Variants in PLS3 observed in about 807,000 individuals in gnomAD.
The protein encoded by PLS3 is plastin 3.
In PLS3, 11 loss-of-function variants were observed where a neutral mutation model predicts 46.5. The observed-to-expected ratio is 0.24, with a 90% confidence interval of 0.15 to 0.39. The LOEUF is 0.39. PLS3 is among the 10% of genes least tolerant of loss of function. The pLI is 1.00. For synonymous variants in PLS3, 167 were observed against 162.2 expected (o/e 1.03, Z -0.22); for missense variants, 308 against 461.8 (o/e 0.67, Z 3.05).
In PLS3 at chrX:115,601,649, AAG is replaced by A. The variant is rs1344433459; in HGVS notation, c.-8-8592_-8-8591del. On this transcript the variant is annotated intron_variant, in intron 1 of 15. Transcript: ENST00000355899. ...AAGTATAATAAAAAAAATATATAAA[AAG>A]ATAAAAAAAAAACTTGTGGAGTAGG... is the stretch of plus-strand genomic sequence containing the variant. 4.0e-4 allele frequency among the ~76,000 whole-genome samples: 44 copies of A among 110,139 alleles called. No homozygotes were observed. In the Admixed American group the frequency reaches 4.3e-3, roughly 11 times the overall value.
At chrX:115,604,997 C>T (rs1556635101) in intron 1 of PLS3, among the ~76,000 whole-genome samples, 1 of 111,786 alleles carries the variant, frequency 8.9e-6, no homozygotes, top group Admixed American at 9.6e-5. Flanking sequence ...CTTCAAATGG[C>T]AAAATGTACA....
intron 1 of PLS3, among the ~76,000 whole-genome samples, chrX:115,576,237 G>A (rs2074248077): frequency 9.0e-6 from 1 of 111,427 alleles, no homozygotes; most frequent in South Asian, 3.8e-4. Flanking sequence ...GACCTTTTGG[G>A]GTGAATATGA....
chrX:115,574,281 G>A (rs2074234791), intron 1 of PLS3, among the ~76,000 whole-genome samples: 2 of 111,792 alleles, frequency 1.8e-5, no homozygotes, highest in Non-Finnish European at 3.8e-5. Flanking sequence ...AGTGAAACAT[G>A]GATGGCCATA....
intron 3 of PLS3, among the ~76,000 whole-genome samples, chrX:115,623,617 A>G (rs1301542600): frequency 2.7e-5 from 3 of 112,043 alleles, no homozygotes; most frequent in African/African-American, 9.7e-5. Context: ...TGTATTTATT[A>G]TTAATTTAAG....
rs2074261516 is a variant in PLS3, at chrX:115,578,529, TC to T, written c.-9+17271del. 2.8e-5 allele frequency among the ~76,000 whole-genome samples: 3 copies of T among 108,961 alleles called. No homozygotes were observed. The South Asian group carries it at 1.2e-3, about 44-fold the overall frequency. The allele number at this position is 108,961 out of a possible 115,157, so 94.6% of individuals were successfully genotyped here. ...TCACGAGGTTAGGAGATCGAGACCA[TC>T]CTGGCTAACACGGTGAAACCTCGTC... On this transcript the variant is annotated intron_variant, in intron 1 of 15. Transcript: ENST00000355899.
chrX:115,644,433 C>A (rs1191874472), intron 10 of PLS3, among the ~76,000 whole-genome samples: 1 of 109,578 alleles, frequency 9.1e-6, no homozygotes, highest in Non-Finnish European at 1.9e-5. Context: ...CCCGTTTCCA[C>A]TAAAAATACA....
rs376568367 is a variant in PLS3 at position 115,636,837 on chromosome X, C to G, written c.750C>G (p.Ala250=). Residue 250 remains alanine (A), a splice_region_variant and synonymous_variant, in exon 8 of 16, where the codon GCC becomes GCG. Coordinates refer to ENST00000355899, the MANE Select transcript of PLS3 (RefSeq NM_005032.7). ...FADIELSRNE[A]LAALLRDGET... ...GGGATTTTTTTTTTTTTCTTCTAGC[C>G]TTGGCTGCTTTACTCCGAGATGGTG... is the stretch of plus-strand genomic sequence containing the variant. The G allele has an allele frequency of 8.4e-7, 1 of 1,186,102 alleles. No homozygotes were observed. The highest frequency in any genetic ancestry group is 1.8e-5 in the African/African-American group (1 of 55,795).
chrX:115,597,777 C>T (rs1479584446), intron 1 of PLS3, among the ~76,000 whole-genome samples: 1 of 111,309 alleles, frequency 9.0e-6, no homozygotes, highest in African/African-American at 3.3e-5. Context: ...TCTCTAGTTC[C>T]TGATACTATA....
rs370494787 is a variant in PLS3 at position 115,616,671 on chromosome X, G to A, written c.74-5575G>A. On this transcript the variant is annotated intron_variant, in intron 2 of 15. Coordinates refer to ENST00000355899, the MANE Select transcript of PLS3 (RefSeq NM_005032.7). ...TTTTTGGTTTTTTGACTGAGGGTTC[G>A]AAATAAAATTAGCATAAAACTCTTT... 6.3e-5 allele frequency among the ~76,000 whole-genome samples: 7 copies of A among 111,591 alleles called. No individual in the cohort carries two copies. The South Asian group carries it at 2.6e-3, about 42-fold the overall frequency.
intron 14 of PLS3, 28 bp downstream of exon 14, chrX:115,647,701 A>G: frequency 8.4e-7 from 1 of 1,186,978 alleles, no homozygotes. Flanking sequence ...ACTATTAAAT[A>G]TTATGTTTGC....
At position 115,640,829 on chromosome X, in the gene PLS3, A is replaced by G. The variant is rs995713697; in HGVS notation, c.987+326A>G. Among the ~76,000 whole-genome samples, 7 of 111,641 alleles carry G rather than the reference A, an allele frequency of 6.3e-5. 1 individual carries two copies. The highest frequency in any genetic ancestry group is 5.8e-4 in the Admixed American group (6 of 10,383). On this transcript the variant is annotated intron_variant, in intron 9 of 15. Coordinates refer to ENST00000355899, the MANE Select transcript of PLS3 (RefSeq NM_005032.7). ...AGTAATAGATTTAGTGACTATATGA[A>G]AACCTTTTCCAAGTATTTGGATTAT...
rs1191658230 is a variant in PLS3, at chrX:115,594,666, T to TCA, written c.-8-15576_-8-15575insAC. Among the ~76,000 whole-genome samples, 507 of 102,891 alleles carry TCA rather than the reference T, an allele frequency of 4.9e-3. 2 individuals carry two copies. The highest frequency in any genetic ancestry group is 0.018 in the African/African-American group (466 of 25,531). 89.3% of individuals were successfully genotyped at this position (102,891 alleles called of 115,157 possible). Reference sequence around the variant, plus strand: ...CTCCCTCTCTCTCTCTCTCTCTCTCTCTCACACACACACACACACACACAC... The same window carrying TCA: ...CTCCCTCTCTCTCTCTCTCTCTCTCTCACTCACACACACACACACACACACAC... On this transcript the variant is annotated intron_variant, in intron 1 of 15. Transcript: ENST00000355899.
chrX:115,617,075 A>G (rs1464905730), intron 2 of PLS3, among the ~76,000 whole-genome samples: 5 of 111,969 alleles, frequency 4.5e-5, no homozygotes, highest in Non-Finnish European at 7.5e-5. Flanking sequence ...AGTAAGACCC[A>G]GGGGTTCCGT....
At chrX:115,561,934 T>C (rs1210236025) in intron 1 of PLS3, among the ~76,000 whole-genome samples, 1 of 110,890 alleles carries the variant, frequency 9.0e-6, no homozygotes, top group Non-Finnish European at 1.9e-5. Context: ...GCACTTTTTT[T>C]CCTTTCAGTA....
intron 10 of PLS3, among the ~76,000 whole-genome samples, chrX:115,643,841 A>G (rs2074923569): frequency 9.0e-6 from 1 of 111,235 alleles, no homozygotes; most frequent in African/African-American, 3.3e-5. Flanking sequence ...GCGTGGTGGC[A>G]CATGCCTGTA....
At chrX:115,566,967 G>A (rs1357340585) in intron 1 of PLS3, among the ~76,000 whole-genome samples, 2 of 112,582 alleles carry the variant, frequency 1.8e-5, no homozygotes, top group Non-Finnish European at 3.8e-5. Context: ...ATGAGCCACC[G>A]CGCCCAGCCC....
chrX:115,599,520 C>CAA lies in PLS3; in HGVS notation c.-8-10708_-8-10707dup, dbSNP rs782065548. 3.4e-4 allele frequency among the ~76,000 whole-genome samples: 16 copies of CAA among 46,811 alleles called. 1 individual carries two copies. Among genetic ancestry groups the CAA allele is most frequent in the African/African-American group, 1.1e-3 (14 of 13,317 alleles). 40.6% of individuals were successfully genotyped at this position (46,811 alleles called of 115,157 possible). Reference sequence around the variant, plus strand: ...TGGACATCTCAGCAAGACTCTATCTCAAAAAAAAAAAAAAAAGGAAAGAGG... The same window carrying CAA: ...TGGACATCTCAGCAAGACTCTATCTCAAAAAAAAAAAAAAAAAAGGAAAGAGG... On this transcript the variant is annotated intron_variant, in intron 1 of 15. Coordinates refer to ENST00000355899, the MANE Select transcript of PLS3 (RefSeq NM_005032.7).
chrX:115,648,974 G>A (rs782697432), intron 15 of PLS3, among the ~76,000 whole-genome samples: 1 of 111,135 alleles, frequency 9.0e-6, no homozygotes, highest in Non-Finnish European at 1.9e-5. Context: ...CACGTAGACT[G>A]TCTCCCCTCT....
At chrX:115,598,667 GT>G (rs66525604) in intron 1 of PLS3, among the ~76,000 whole-genome samples, 1,662 of 112,051 alleles carry the variant, frequency 0.015, 21 homozygotes, top group African/African-American at 0.047. Context: ...TTGAGTGTTT[GT>G]TTTATATTAA....
Sources: allele counts gnomAD v4.1 joint callset (sites outside exome capture counted in the v4.1 genomes callset), GRCh38; gene constraint gnomAD v4.1.1; transcripts MANE v1.5; gene names NCBI Gene and HGNC (gene_info 2026-07-23, HGNC 2026-07-21).